SNX30: variants seen among roughly 807,000 people sequenced by gnomAD.
SNX30 encodes the protein sorting nexin-30.
A neutral mutation model predicts 46.4 loss-of-function variants in SNX30; 24 were observed. The ratio of observed to expected loss-of-function variants is 0.52; its 90% CI spans 0.37 to 0.73. The LOEUF (loss-of-function observed/expected upper bound fraction) is 0.73. SNX30 is among the 30% of genes least tolerant of loss of function. The pLI, the probability that SNX30 is intolerant of heterozygous loss-of-function variation, is 0.00. For missense variants in SNX30, 533 were observed against 555.7 expected (o/e 0.96, Z 0.41); for synonymous variants, 189 against 211.5 (o/e 0.89, Z 0.92).
intron 1 of SNX30, among the ~76,000 whole-genome samples, chr9:112,756,435 C>CTTTT (rs61338659): frequency 3.0e-5 from 2 of 67,428 alleles, no homozygotes; most frequent in Non-Finnish European, 5.0e-5. Flanking sequence ...TGTAATCATC[C>CTTTT]TTTTTTTTTT....
intron 2 of SNX30, among the ~76,000 whole-genome samples, chr9:112,807,937 G>A (rs773412588): frequency 4.1e-4 from 63 of 152,158 alleles, no homozygotes; most frequent in African/African-American, 1.4e-3. Context: ...ATTTTCACTT[G>A]GCTGTGATGC....
intron 1 of SNX30, among the ~76,000 whole-genome samples, chr9:112,783,450 C>T (rs1183056483): frequency 1.3e-5 from 2 of 152,218 alleles, no homozygotes; most frequent in Non-Finnish European, 1.5e-5. Flanking sequence ...TGAACTTAAA[C>T]ATTTAATTTC....
chr9:112,781,356 T>C (rs1043372301), intron 1 of SNX30, among the ~76,000 whole-genome samples: 1 of 152,238 alleles, frequency 6.6e-6, no homozygotes, highest in Non-Finnish European at 1.5e-5. Context: ...CCTATTTTCA[T>C]GTATGTTCAA....
rs1300603896 is a variant in SNX30, at chr9:112,870,465, T to G, written c.*1622T>G. 6.6e-6 allele frequency: 1 copy of G among 152,248 alleles called. No homozygotes were observed. Among genetic ancestry groups the G allele is most frequent in the Non-Finnish European group, 1.5e-5 (1 of 68,042 alleles). The allele number at this position is 152,248 out of a possible 1,614,324, so 9.4% of individuals were successfully genotyped here. On this transcript the variant is annotated 3_prime_UTR_variant, in exon 9 of 9. Transcript: ENST00000374232. ...AGTTGGACAGCATAGGACGGCTTGG[T>G]TCTGTTTCATTGTGTTTGACAATGT...
At position 112,821,635 on chromosome 9, in the gene SNX30, C is replaced by A. The variant is rs145092686; in HGVS notation, c.459+3820C>A. Among the ~76,000 whole-genome samples the A allele has an allele frequency of 5.6e-3, 854 of 151,720 alleles. 28 individuals carry two copies. Among genetic ancestry groups the A allele is most frequent in the Middle Eastern group, 0.021 (6 of 292 alleles). ...CCTAGTACCTGGGACTACAGGCGCC[C>A]GCCACCATGCCTGGCTAATTTTTTG... On this transcript the variant is annotated intron_variant, in intron 3 of 8. Transcript: ENST00000374232.
intron 3 of SNX30, among the ~76,000 whole-genome samples, chr9:112,820,499 A>G (rs2131426699): frequency 6.6e-6 from 1 of 152,354 alleles, no homozygotes; most frequent in East Asian, 1.9e-4. Flanking sequence ...CCCAGCAAAC[A>G]TGCAGAAATG....
At chr9:112,817,401 C>CTTGTTTTTTTTTTTTTTTTT (rs1840414483) in intron 2 of SNX30, among the ~76,000 whole-genome samples, 1 of 46,832 alleles carries the variant, frequency 2.1e-5, no homozygotes, top group Non-Finnish European at 3.4e-5. Flanking sequence ...AAAAAACTGG[C>CTTGTTTTTTTTTTTTTTTTT]TTTTTTTTTT....
In SNX30 at chr9:112,795,716, C is replaced by T. The variant is rs1400806637; in HGVS notation, c.157-9060C>T. On this transcript the variant is annotated intron_variant, in intron 1 of 8. Transcript: ENST00000374232. ...GGGGAGTTGGCTTGAAGTCACTACC[C>T]GACCTGGGGAGACAGAAAGATAATC... is the stretch of plus-strand genomic sequence containing the variant. Among the ~76,000 whole-genome samples the T allele has an allele frequency of 4.0e-5, 6 of 150,542 alleles. No homozygotes were observed. The East Asian group carries it at 1.2e-3, about 29-fold the overall frequency.
intron 3 of SNX30, among the ~76,000 whole-genome samples, chr9:112,829,236 G>A (rs922907203): frequency 2.0e-5 from 3 of 151,872 alleles, no homozygotes; most frequent in African/African-American, 7.3e-5. Flanking sequence ...ATTTTGTTTG[G>A]GCACCTGCTT....
intron 1 of SNX30, among the ~76,000 whole-genome samples, chr9:112,766,631 C>T (rs1239060110): frequency 6.6e-6 from 1 of 152,212 alleles, no homozygotes; most frequent in Non-Finnish European, 1.5e-5. Flanking sequence ...CTGTCTTCCC[C>T]AGCCCTAGGT....
chr9:112,845,510 A>G (rs922483101), intron 6 of SNX30, among the ~76,000 whole-genome samples: 19 of 152,164 alleles, frequency 1.2e-4, no homozygotes, highest in African/African-American at 4.1e-4. Flanking sequence ...CCACTTTGGC[A>G]GAACTGGGGG....
chr9:112,867,645 T>C (rs1410211971), intron 8 of SNX30, among the ~76,000 whole-genome samples: 1 of 148,148 alleles, frequency 6.8e-6, no homozygotes, highest in African/African-American at 2.5e-5. Context: ...TCCTCCCGCC[T>C]CCTCAGAACT....
At chr9:112,855,548 C>T (rs562064705) in intron 7 of SNX30, among the ~76,000 whole-genome samples, 5 of 152,204 alleles carry the variant, frequency 3.3e-5, no homozygotes, top group Non-Finnish European at 5.9e-5. Flanking sequence ...GTCTTCACAA[C>T]CTTCCCTGTG....
intron 1 of SNX30, among the ~76,000 whole-genome samples, chr9:112,759,360 G>A (rs1384485485): frequency 6.6e-6 from 1 of 152,022 alleles, no homozygotes; most frequent in African/African-American, 2.4e-5. Flanking sequence ...TATTTTGCCT[G>A]ACCCCTTGGT....
At chr9:112,791,790 G>T (rs1840029471) in intron 1 of SNX30, among the ~76,000 whole-genome samples, 1 of 152,102 alleles carries the variant, frequency 6.6e-6, no homozygotes, top group Admixed American at 6.6e-5. Context: ...AAATATTTTG[G>T]TAGTTTTGGA....
Position 112,830,890 on chromosome 9 carries a change from G to A in SNX30, c.618+7G>A, listed in dbSNP as rs1208962247. On this transcript the variant is annotated splice_region_variant and intron_variant, in intron 4 of 8. Coordinates refer to ENST00000374232, the MANE Select transcript of SNX30 (RefSeq NM_001012994.2). ...TATTTTCCTTACTGCTAAGGTAAGGGCAGAAATTTACATCCTCTTCGTCCA... is the reference window on the plus strand; with the variant it reads ...TATTTTCCTTACTGCTAAGGTAAGGACAGAAATTTACATCCTCTTCGTCCA... The A allele has an allele frequency of 1.2e-6, 2 of 1,600,210 alleles. No individual in the cohort carries two copies. The highest frequency in any genetic ancestry group is 1.7e-6 in the Non-Finnish European group (2 of 1,175,392).
At position 112,871,922 on chromosome 9, in the gene SNX30, G is replaced by A. The variant is rs1841452112; in HGVS notation, c.*3079G>A. ...TACCACCCAGCCAGGCTTAGCATTGGGTTTTATCCTTTAATAAAAGTTTTA... is the reference window on the plus strand; with the variant it reads ...TACCACCCAGCCAGGCTTAGCATTGAGTTTTATCCTTTAATAAAAGTTTTA... On this transcript the variant is annotated 3_prime_UTR_variant, in exon 9 of 9. Coordinates refer to ENST00000374232, the MANE Select transcript of SNX30 (RefSeq NM_001012994.2). 1 of 152,100 alleles carries A rather than the reference G, an allele frequency of 6.6e-6. No homozygotes were observed. Among genetic ancestry groups the A allele is most frequent in the Admixed American group, 6.5e-5 (1 of 15,268 alleles). The allele number at this position is 152,100 out of a possible 1,614,324, so 9.4% of individuals were successfully genotyped here.
At position 112,821,452 on chromosome 9, in the gene SNX30, T is replaced by C. The variant is rs934733615; in HGVS notation, c.459+3637T>C. 3.9e-5 allele frequency among the ~76,000 whole-genome samples: 6 copies of C among 152,172 alleles called. No individual in the cohort carries two copies. In the South Asian group the frequency reaches 8.3e-4, roughly 21 times the overall value. On this transcript the variant is annotated intron_variant, in intron 3 of 8. Coordinates refer to ENST00000374232, the MANE Select transcript of SNX30 (RefSeq NM_001012994.2). Reference sequence around the variant, plus strand: ...GTGTGTTTGTATATATGTGTATATATGTGTGTGTGTATATGTGTGTATATA... The same window carrying C: ...GTGTGTTTGTATATATGTGTATATACGTGTGTGTGTATATGTGTGTATATA...
intron 3 of SNX30, among the ~76,000 whole-genome samples, chr9:112,820,286 G>A (rs1036691013): frequency 6.6e-6 from 1 of 151,368 alleles, no homozygotes; most frequent in African/African-American, 2.4e-5. Context: ...ATTTAATATG[G>A]GAGAGCCTCT....
Sources: gnomAD v4.1 joint callset for allele counts (sites outside exome capture counted in the v4.1 genomes callset) on GRCh38, gnomAD v4.1.1 for gene constraint, MANE v1.5 for transcripts, NCBI Gene and HGNC (gene_info 2026-07-23, HGNC 2026-07-21) for gene names.